The following DIAPH3 variants were observed in gnomAD, a reference collection of about 807,000 sequenced individuals.
DIAPH3 encodes diaphanous related formin 3.
Under a neutral mutation model 144.3 loss-of-function variants are expected in DIAPH3, and 117 were observed. The ratio of observed to expected loss-of-function variants is 0.81; its 90% CI spans 0.70 to 0.95. DIAPH3 has a LOEUF of 0.95. Ranked by LOEUF, DIAPH3 falls within the 40% of genes least tolerant of loss-of-function variation. The probability of loss-of-function intolerance (pLI) is 0.00; values close to 1 mark genes in which losing one functional copy is unlikely to be tolerated. For synonymous variants in DIAPH3, 519 were observed against 488.9 expected, an observed-to-expected ratio of 1.06 and a Z score of -0.81; for missense variants, 1,421 against 1,412.7, an observed-to-expected ratio of 1.01 and a Z score of -0.09.
chr13:60,015,233 C>T (rs932007503), intron 7 of DIAPH3, among the ~76,000 whole-genome samples: 6 of 152,058 alleles, frequency 3.9e-5, no homozygotes, highest in African/African-American at 1.4e-4. Context: ...TAGCCTCAAG[C>T]AATCCCTCCT....
rs573165880 is a variant in DIAPH3 at position 59,936,938 on chromosome 13, C to T, written c.2075-12068G>A. Among the ~76,000 whole-genome samples the T allele has an allele frequency of 3.3e-4, 50 of 151,994 alleles. 1 individual carries two copies. Among genetic ancestry groups the T allele is most frequent in the Non-Finnish European group, 5.3e-4 (36 of 67,954 alleles). ...CAGCACTTTGGGAGGCTGAGGTGGGCGGATCATGAGGTCAGGAGATCGAGA... is the reference window on the plus strand; with the variant it reads ...CAGCACTTTGGGAGGCTGAGGTGGGTGGATCATGAGGTCAGGAGATCGAGA... On this transcript the variant is annotated intron_variant, in intron 17 of 27. Transcript: ENST00000400324.
chr13:59,796,187 G>A (rs2039591390), intron 25 of DIAPH3, among the ~76,000 whole-genome samples: 1 of 152,132 alleles, frequency 6.6e-6, no homozygotes, highest in African/African-American at 2.4e-5. Context: ...GTAAATGGTG[G>A]GCTAATTAGT....
intron 23 of DIAPH3, among the ~76,000 whole-genome samples, chr13:59,834,754 A>C (rs2041956962): frequency 6.6e-6 from 1 of 151,738 alleles, no homozygotes; most frequent in African/African-American, 2.4e-5. Flanking sequence ...AATACGTGAG[A>C]TACTCAACAA....
At chr13:59,962,070 T>C (rs777625531) in intron 17 of DIAPH3, among the ~76,000 whole-genome samples, 5 of 152,134 alleles carry the variant, frequency 3.3e-5, no homozygotes, top group South Asian at 2.1e-4. Context: ...ATTACATGTA[T>C]TGGTTCTTTG....
At chr13:59,783,671 G>A (rs1356995301) in intron 25 of DIAPH3, among the ~76,000 whole-genome samples, 1 of 152,148 alleles carries the variant, frequency 6.6e-6, no homozygotes. Context: ...ATATTACTTA[G>A]TCTCTAAAAC....
chr13:59,991,110 T>C (rs375322803), intron 12 of DIAPH3, 48 bp downstream of exon 12: 3 of 1,202,590 alleles, frequency 2.5e-6, no homozygotes, highest in East Asian at 2.4e-5. Flanking sequence ...TCACAATTAA[T>C]AGATTTTTAT....
At chr13:60,012,843 C>CA in intron 7 of DIAPH3, 1 of 236,348 alleles carries the variant, frequency 4.2e-6, no homozygotes, top group Non-Finnish European at 6.9e-6. Context: ...CCTGTGACCC[C>CA]AAAAGTCCAT....
chr13:59,758,413 G>A (rs2139170886), intron 27 of DIAPH3, among the ~76,000 whole-genome samples: 1 of 152,292 alleles, frequency 6.6e-6, no homozygotes, highest in African/African-American at 2.4e-5. Context: ...GATACAAAGT[G>A]TACAATCCTA....
At chr13:60,124,662 T>C (rs901804868) in intron 2 of DIAPH3, among the ~76,000 whole-genome samples, 1 of 151,980 alleles carries the variant, frequency 6.6e-6, no homozygotes, top group Non-Finnish European at 1.5e-5. Context: ...GATACGGTCT[T>C]GGTAACATGG....
intron 27 of DIAPH3, among the ~76,000 whole-genome samples, chr13:59,766,463 G>C (rs2037862644): frequency 6.6e-6 from 1 of 152,120 alleles, no homozygotes; most frequent in Admixed American, 6.6e-5. Context: ...AATTCTCAGA[G>C]AAAACAGGTG....
intron 17 of DIAPH3, among the ~76,000 whole-genome samples, chr13:59,927,716 C>T (rs2047821742): frequency 6.6e-6 from 1 of 152,134 alleles, no homozygotes; most frequent in Non-Finnish European, 1.5e-5. Context: ...CAATTCTCTC[C>T]TAGTCTGTAA....
intron 4 of DIAPH3, among the ~76,000 whole-genome samples, chr13:60,081,322 A>ATGAAAG (rs1439027477): frequency 6.6e-6 from 1 of 152,066 alleles, no homozygotes; most frequent in East Asian, 1.9e-4. Flanking sequence ...AAGAGGTTTA[A>ATGAAAG]TGAAAGTTTA....
chr13:59,974,339 A>G lies in DIAPH3; in HGVS notation c.1650+13T>C, dbSNP rs759448305. On this transcript the variant is annotated intron_variant, in intron 15 of 27. Coordinates refer to ENST00000400324, the MANE Select transcript of DIAPH3 (RefSeq NM_001042517.2). ...GTTTTTAATACCCAAATTCACTCAG[A>G]GTGGAATTTTACCTGAGACTTAAAA... The G allele has an allele frequency of 6.3e-7, 1 of 1,599,426 alleles. No individual in the cohort carries two copies. The highest frequency in any genetic ancestry group is 1.7e-5 in the Admixed American group (1 of 59,840).
intron 2 of DIAPH3, among the ~76,000 whole-genome samples, chr13:60,121,377 C>T (rs915000872): frequency 3.9e-5 from 6 of 152,056 alleles, no homozygotes; most frequent in Non-Finnish European, 7.4e-5. Context: ...AAGCTAAGAA[C>T]ACCTGGTAGG....
intron 19 of DIAPH3, among the ~76,000 whole-genome samples, chr13:59,915,498 G>A (rs368716382): frequency 1.6e-4 from 25 of 152,184 alleles, no homozygotes; most frequent in African/African-American, 4.8e-4. Context: ...AAGATGGTAA[G>A]CTGAAGATAA....
intron 5 of DIAPH3, among the ~76,000 whole-genome samples, chr13:60,029,500 G>C (rs2054627498): frequency 6.6e-6 from 1 of 152,198 alleles, no homozygotes; most frequent in Non-Finnish European, 1.5e-5. Context: ...GGGATCATGG[G>C]TGTGGTTTCC....
chr13:60,054,362 T>C, intron 4 of DIAPH3, among the ~76,000 whole-genome samples: 1 of 152,046 alleles, frequency 6.6e-6, no homozygotes, highest in East Asian at 1.9e-4. Context: ...GCAAGTAAAT[T>C]ACAGAAAACA....
chr13:60,083,809 T>C lies in DIAPH3; in HGVS notation c.495+9819A>G, dbSNP rs956498420. ...ATCCCAGCACTCTGGAAAGCTGAGG[T>C]TGGAGGATCACTTGAGCCCAGGAGT... On this transcript the variant is annotated intron_variant, in intron 4 of 27. Coordinates refer to ENST00000400324, the MANE Select transcript of DIAPH3 (RefSeq NM_001042517.2). 4.6e-5 allele frequency among the ~76,000 whole-genome samples: 7 copies of C among 151,832 alleles called. No homozygotes were observed. In the South Asian group the frequency reaches 1.5e-3, roughly 32 times the overall value.
chr13:59,692,688 C>T (rs1482395154), intron 27 of DIAPH3, among the ~76,000 whole-genome samples: 7 of 152,010 alleles, frequency 4.6e-5, no homozygotes, highest in Non-Finnish European at 1.0e-4. Context: ...ATCGACCCAC[C>T]ACCACCACCT....
Sources: allele counts gnomAD v4.1 joint callset (sites outside exome capture counted in the v4.1 genomes callset), GRCh38; gene constraint gnomAD v4.1.1; transcripts MANE v1.5; gene names NCBI Gene and HGNC (gene_info 2026-07-23, HGNC 2026-07-21).